The following C1orf21 variants were observed in gnomAD, a reference collection of about 807,000 sequenced individuals.
C1orf21 encodes uncharacterized protein C1orf21.
Under a neutral mutation model 18.7 loss-of-function variants are expected in C1orf21, and 3 were observed. The ratio of observed to expected loss-of-function variants is 0.16; its 90% CI spans 0.07 to 0.42. The LOEUF is 0.42. Among genes scored for constraint, C1orf21 ranks in the 10% least tolerant of loss-of-function variants. The probability of loss-of-function intolerance (pLI) is 0.99; values close to 1 mark genes in which losing one functional copy is unlikely to be tolerated. For missense variants in C1orf21, 104 were observed against 143.6 expected (o/e 0.72, Z 1.41); for synonymous variants, 41 against 46.4 (o/e 0.88, Z 0.47).
chr1:184,475,734 GGT>G (rs10553261), intron 1 of C1orf21, among the ~76,000 whole-genome samples: 36,169 of 137,650 alleles, frequency 0.26, 4,519 homozygotes, highest in Admixed American at 0.33. Flanking sequence ...AATGGAATAG[GGT>G]GTGTGTGTGT....
At chr1:184,462,308 A>G (rs1364271618) in intron 1 of C1orf21, among the ~76,000 whole-genome samples, 1 of 152,196 alleles carries the variant, frequency 6.6e-6, no homozygotes, top group Non-Finnish European at 1.5e-5. Flanking sequence ...CAAAAGCCTA[A>G]CTGGCAACTT....
intron 1 of C1orf21, among the ~76,000 whole-genome samples, chr1:184,473,128 A>G (rs1231076998): frequency 6.6e-6 from 1 of 152,220 alleles, no homozygotes; most frequent in African/African-American, 2.4e-5. Flanking sequence ...ATTGGACCTC[A>G]TGTTTTTAGA....
intron 1 of C1orf21, among the ~76,000 whole-genome samples, chr1:184,445,212 T>C (rs1657010030): frequency 1.3e-5 from 2 of 152,228 alleles, no homozygotes; most frequent in Admixed American, 1.3e-4. Context: ...CACTGACTTA[T>C]GACTTGTCCA....
At chr1:184,422,742 T>C (rs1656565419) in intron 1 of C1orf21, among the ~76,000 whole-genome samples, 1 of 152,234 alleles carries the variant, frequency 6.6e-6, no homozygotes, top group Non-Finnish European at 1.5e-5. Context: ...TTTCTTCCCG[T>C]ACATATCTCT....
At chr1:184,477,322 C>T in intron 1 of C1orf21, 64 bp from the exon 2 acceptor site, 1 of 572,938 alleles carries the variant, frequency 1.7e-6, no homozygotes, top group Admixed American at 3.1e-5. Context: ...AGCACACCAA[C>T]ATAGTGAGGC....
In C1orf21 at chr1:184,545,538, G is replaced by C. The variant is rs377162498; in HGVS notation, c.189+37856G>C. On this transcript the variant is annotated intron_variant, in intron 3 of 5. Coordinates refer to ENST00000235307, the MANE Select transcript of C1orf21 (RefSeq NM_030806.4). ...GGCACCTAAGTCTGTACCGATGCTC[G>C]TGTTCCCTGCCTGTCTTCAGGGAAC... Among the ~76,000 whole-genome samples, 5 of 151,800 alleles carry C rather than the reference G, an allele frequency of 3.3e-5. No individual in the cohort carries two copies. The South Asian group carries it at 6.3e-4, about 19-fold the overall frequency.
At chr1:184,588,027 T>C (rs1202903923) in intron 3 of C1orf21, among the ~76,000 whole-genome samples, 1 of 152,220 alleles carries the variant, frequency 6.6e-6, no homozygotes, top group African/African-American at 2.4e-5. Flanking sequence ...TTCTTCTGCA[T>C]GTCCAGGTTA....
chr1:184,568,941 A>G (rs181518390), intron 3 of C1orf21, among the ~76,000 whole-genome samples: 2 of 152,328 alleles, frequency 1.3e-5, no homozygotes, highest in African/African-American at 2.4e-5. Flanking sequence ...TTGAGTACCT[A>G]CCACATTACC....
chr1:184,502,503 T>C (rs934755866), intron 2 of C1orf21, among the ~76,000 whole-genome samples: 9 of 151,726 alleles, frequency 5.9e-5, no homozygotes, highest in Middle Eastern at 3.2e-3. Flanking sequence ...TTTCATTTCT[T>C]TTTTTTTTCG....
At chr1:184,525,876 T>C (rs1203276850) in intron 3 of C1orf21, among the ~76,000 whole-genome samples, 2 of 152,172 alleles carry the variant, frequency 1.3e-5, no homozygotes, top group African/African-American at 4.8e-5. Flanking sequence ...CTAATTTCCA[T>C]CTCTGTGGAG....
chr1:184,443,905 T>G (rs1016717308), intron 1 of C1orf21, among the ~76,000 whole-genome samples: 5 of 152,128 alleles, frequency 3.3e-5, no homozygotes, highest in Non-Finnish European at 5.9e-5. Flanking sequence ...CCCAATCCCA[T>G]GACAGGGGGT....
chr1:184,468,437 G>T (rs1237155696), intron 1 of C1orf21, among the ~76,000 whole-genome samples: 1 of 152,142 alleles, frequency 6.6e-6, no homozygotes, highest in African/African-American at 2.4e-5. Context: ...TTTTGGAAGG[G>T]AAGAGGGATA....
intron 1 of C1orf21, among the ~76,000 whole-genome samples, chr1:184,437,795 A>T (rs1337954467): frequency 6.6e-6 from 1 of 152,118 alleles, no homozygotes. Flanking sequence ...ACCATAATTT[A>T]GAATCAGTGG....
intron 3 of C1orf21, among the ~76,000 whole-genome samples, chr1:184,569,384 T>G (rs1558005075): frequency 6.6e-6 from 1 of 152,198 alleles, no homozygotes; most frequent in Non-Finnish European, 1.5e-5. Flanking sequence ...TTCCAGAGCG[T>G]GGTTGAAAGT....
chr1:184,428,863 G>A (rs1211053633), intron 1 of C1orf21, among the ~76,000 whole-genome samples: 1 of 152,060 alleles, frequency 6.6e-6, no homozygotes, highest in Non-Finnish European at 1.5e-5. Context: ...CCAAATGCAG[G>A]GAGTGATGAC....
At chr1:184,493,393 G>A (rs1450091848) in intron 2 of C1orf21, among the ~76,000 whole-genome samples, 3 of 152,202 alleles carry the variant, frequency 2.0e-5, no homozygotes, top group Non-Finnish European at 2.9e-5. Context: ...AAGAGTAAGG[G>A]TGAAGTGAAA....
At chr1:184,447,480 C>G (rs1371299178) in intron 1 of C1orf21, among the ~76,000 whole-genome samples, 1 of 152,132 alleles carries the variant, frequency 6.6e-6, no homozygotes, top group African/African-American at 2.4e-5. Context: ...TGCTTCAGCC[C>G]TATTCATTCG....
intron 3 of C1orf21, among the ~76,000 whole-genome samples, chr1:184,588,871 C>G (rs1397994935): frequency 1.3e-5 from 2 of 152,100 alleles, no homozygotes; most frequent in African/African-American, 2.4e-5. Context: ...CTCTGTCTCA[C>G]TTTTGGCCCT....
At chr1:184,482,166 C>T (rs1194671731) in intron 2 of C1orf21, among the ~76,000 whole-genome samples, 2 of 152,194 alleles carry the variant, frequency 1.3e-5, no homozygotes, top group Non-Finnish European at 2.9e-5. Flanking sequence ...CTGTTGTTCT[C>T]TCCCGGGCTC....
Sources: gnomAD v4.1 joint callset for allele counts (sites outside exome capture counted in the v4.1 genomes callset) on GRCh38, gnomAD v4.1.1 for gene constraint, MANE v1.5 for transcripts, NCBI Gene and HGNC (gene_info 2026-07-23, HGNC 2026-07-21) for gene names.